The following ZNF385B variants were observed in gnomAD, a reference collection of about 807,000 sequenced individuals.
The protein encoded by ZNF385B is zinc finger protein 385B, also known as zinc finger protein 533.
Under a neutral mutation model 39.2 loss-of-function variants are expected in ZNF385B, and 23 were observed. That is an observed-to-expected ratio of 0.59 (90% CI 0.42 to 0.83). The LOEUF (loss-of-function observed/expected upper bound fraction) is 0.83. Ranked by LOEUF, ZNF385B falls within the 40% of genes least tolerant of loss-of-function variation. The probability of loss-of-function intolerance (pLI) is 0.00; values close to 1 mark genes in which losing one functional copy is unlikely to be tolerated. For missense variants in ZNF385B, 552 were observed against 598.9 expected, an observed-to-expected ratio of 0.92 and a Z score of 0.82; for synonymous variants, 205 against 222.6, an observed-to-expected ratio of 0.92 and a Z score of 0.70.
At chr2:179,590,637 C>T (rs1687475896) in intron 3 of ZNF385B, among the ~76,000 whole-genome samples, 1 of 152,158 alleles carries the variant, frequency 6.6e-6, no homozygotes, top group African/African-American at 2.4e-5. Flanking sequence ...ACCCAAATCT[C>T]ATCTTGAATT....
At chr2:179,676,979 T>C (rs1351751021) in intron 3 of ZNF385B, among the ~76,000 whole-genome samples, 1 of 152,098 alleles carries the variant, frequency 6.6e-6, no homozygotes, top group Non-Finnish European at 1.5e-5. Flanking sequence ...TAAAATGCAA[T>C]GAACACACAC....
chr2:179,786,237 G>T (rs1704992817), intron 1 of ZNF385B, among the ~76,000 whole-genome samples: 1 of 152,130 alleles, frequency 6.6e-6, no homozygotes, highest in Admixed American at 6.6e-5. Flanking sequence ...ATAAATCTGT[G>T]TGGCTTGCTT....
At chr2:179,656,084 A>G (rs1325938189) in intron 3 of ZNF385B, among the ~76,000 whole-genome samples, 1 of 152,168 alleles carries the variant, frequency 6.6e-6, no homozygotes, top group Non-Finnish European at 1.5e-5. Context: ...TTACAAATAG[A>G]TTAACATTTG....
At chr2:179,575,816 A>G (rs1453816640) in intron 3 of ZNF385B, among the ~76,000 whole-genome samples, 1 of 152,048 alleles carries the variant, frequency 6.6e-6, no homozygotes, top group African/African-American at 2.4e-5. Flanking sequence ...GGAGGTACCC[A>G]TGTTTTTAGT....
In ZNF385B at chr2:179,441,987, T is replaced by A. The variant is rs1426043229; in HGVS notation, c.*1263A>T. 1 of 152,622 alleles carries A rather than the reference T, an allele frequency of 6.6e-6. No homozygotes were observed. Among genetic ancestry groups the A allele is most frequent in the African/African-American group, 2.4e-5 (1 of 41,456 alleles). 9.5% of individuals were successfully genotyped at this position (152,622 alleles called of 1,614,324 possible). A position where few individuals can be genotyped will look rare whatever the true frequency, so the allele number is the denominator to read the frequency against. On this transcript the variant is annotated 3_prime_UTR_variant, in exon 10 of 10. Transcript: ENST00000410066. ...ACACTGAAAATACAAACAGATTTTATTTTTTGTACTTTTATTGAAAAGGTA... is the reference window on the plus strand; with the variant it reads ...ACACTGAAAATACAAACAGATTTTAATTTTTGTACTTTTATTGAAAAGGTA...
chr2:179,711,636 C>T (rs1232799600), intron 3 of ZNF385B, among the ~76,000 whole-genome samples: 2 of 152,086 alleles, frequency 1.3e-5, no homozygotes, highest in Non-Finnish European at 2.9e-5. Context: ...ATCTAAATCC[C>T]GGCCCATCCC....
chr2:179,556,660 G>C (rs1320929854), intron 3 of ZNF385B, among the ~76,000 whole-genome samples: 1 of 149,224 alleles, frequency 6.7e-6, no homozygotes, highest in Non-Finnish European at 1.5e-5. Context: ...AAAAAGACCT[G>C]GGGCGATGGT....
chr2:179,761,942 A>G (rs557232202), intron 3 of ZNF385B, among the ~76,000 whole-genome samples: 1 of 151,854 alleles, frequency 6.6e-6, no homozygotes, highest in South Asian at 2.1e-4. Context: ...ACCATTTTGA[A>G]TAAGAGAATT....
intron 3 of ZNF385B, among the ~76,000 whole-genome samples, chr2:179,634,358 A>G (rs1691528960): frequency 6.6e-6 from 1 of 151,812 alleles, no homozygotes; most frequent in Admixed American, 6.6e-5. Flanking sequence ...AATTTACAAG[A>G]AAAAAAAATC....
At position 179,524,445 on chromosome 2, in the gene ZNF385B, G is replaced by C. The variant is rs1375094342; in HGVS notation, c.442-5807C>G. Among the ~76,000 whole-genome samples, 3 of 150,270 alleles carry C rather than the reference G, an allele frequency of 2.0e-5. No individual in the cohort carries two copies. In the East Asian group the frequency reaches 5.9e-4, roughly 30 times the overall value. ...TGGGCGCCTGTAGTCCCAGCTACTC[G>C]GGAGGCTGAGGCAGGAGAATGACGT... is the stretch of plus-strand genomic sequence containing the variant. On this transcript the variant is annotated intron_variant, in intron 4 of 9. Coordinates refer to ENST00000410066, the MANE Select transcript of ZNF385B (RefSeq NM_152520.6).
chr2:179,815,439 A>G (rs935412192), intron 1 of ZNF385B, among the ~76,000 whole-genome samples: 1 of 152,216 alleles, frequency 6.6e-6, no homozygotes. Context: ...AATGATAAAG[A>G]TTATGGAAAC....
At chr2:179,489,842 C>T (rs994504294) in intron 5 of ZNF385B, among the ~76,000 whole-genome samples, 1 of 152,198 alleles carries the variant, frequency 6.6e-6, no homozygotes, top group African/African-American at 2.4e-5. Flanking sequence ...ATTCAATTCT[C>T]ATCTATTGGG....
chr2:179,485,792 T>C, intron 5 of ZNF385B, among the ~76,000 whole-genome samples: 1 of 152,088 alleles, frequency 6.6e-6, no homozygotes, highest in Non-Finnish European at 1.5e-5. Flanking sequence ...GGGAAAAAAA[T>C]ATTGCTTTGG....
intron 3 of ZNF385B, among the ~76,000 whole-genome samples, chr2:179,728,875 G>A (rs1053953869): frequency 1.3e-5 from 2 of 151,802 alleles, no homozygotes; most frequent in African/African-American, 2.4e-5. Flanking sequence ...ATTAAGTCAG[G>A]AAACTATTGA....
chr2:179,647,414 T>G lies in ZNF385B; in HGVS notation c.299-102445A>C, dbSNP rs1423357144. On this transcript the variant is annotated intron_variant, in intron 3 of 9. Transcript: ENST00000410066. ...TACTTAGAGCTGTCTAGAGCCCTCCTACCCAACCCCGGCCATATGCCTCTA... is the reference window on the plus strand; with the variant it reads ...TACTTAGAGCTGTCTAGAGCCCTCCGACCCAACCCCGGCCATATGCCTCTA... Among the ~76,000 whole-genome samples, 6 of 152,244 alleles carry G rather than the reference T, an allele frequency of 3.9e-5. No individual in the cohort carries two copies. In the East Asian group the frequency reaches 1.2e-3, roughly 29 times the overall value.
At chr2:179,627,644 G>T (rs1382061889) in intron 3 of ZNF385B, among the ~76,000 whole-genome samples, 1 of 152,150 alleles carries the variant, frequency 6.6e-6, no homozygotes, top group Non-Finnish European at 1.5e-5. Flanking sequence ...CCCATCAATA[G>T]CTTGAAATCA....
rs186643801 is a variant in ZNF385B, at chr2:179,581,156, A to G, written c.299-36187T>C. 1.3e-3 allele frequency among the ~76,000 whole-genome samples: 200 copies of G among 152,310 alleles called. 2 individuals carry two copies. Among genetic ancestry groups the G allele is most frequent in the Admixed American group, 2.6e-3 (39 of 15,290 alleles). ...AAAAGCTTGAAACTGAATCCATGCA[A>G]AGAGTAGACAGGAGCAAAATTATGA... On this transcript the variant is annotated intron_variant, in intron 3 of 9. Transcript: ENST00000410066.
chr2:179,568,319 C>G (rs989926995), intron 3 of ZNF385B, among the ~76,000 whole-genome samples: 1 of 152,180 alleles, frequency 6.6e-6, no homozygotes, highest in Non-Finnish European at 1.5e-5. Context: ...TTACTTGTCT[C>G]TAAAATGATC....
intron 3 of ZNF385B, among the ~76,000 whole-genome samples, chr2:179,764,272 C>T (rs893636495): frequency 5.3e-5 from 8 of 152,188 alleles, no homozygotes; most frequent in Admixed American, 5.2e-4. Context: ...GCTACCCCTG[C>T]CTTTATTTTT....
Sources: allele counts gnomAD v4.1 joint callset (sites outside exome capture counted in the v4.1 genomes callset), GRCh38; gene constraint gnomAD v4.1.1; transcripts MANE v1.5; gene names NCBI Gene and HGNC (gene_info 2026-07-23, HGNC 2026-07-21).